The following YPEL1 variants were observed in gnomAD, a reference collection of about 807,000 sequenced individuals.
YPEL1 encodes yippee like 1, also known as protein yippee-like 1.
A neutral mutation model predicts 17.3 loss-of-function variants in YPEL1; 7 were observed. The observed-to-expected ratio is 0.40, with a 90% CI of 0.23 to 0.76. The LOEUF is 0.76. YPEL1 is among the 30% of genes least tolerant of loss of function. The pLI is 0.35. For synonymous variants in YPEL1, 59 were observed against 59.6 expected (o/e 0.99, Z 0.05); for missense variants, 91 against 155.5 (o/e 0.59, Z 2.21).
chr22:21,712,283 T>C (rs1436748019), intron 1 of YPEL1, among the ~76,000 whole-genome samples: 1 of 151,370 alleles, frequency 6.6e-6, no homozygotes, highest in Non-Finnish European at 1.5e-5. Context: ...GGTGTTAATA[T>C]CTAGAATACA....
At chr22:21,725,220 A>ATTT (rs991732672) in intron 1 of YPEL1, among the ~76,000 whole-genome samples, 5 of 126,312 alleles carry the variant, frequency 4.0e-5, no homozygotes, top group Non-Finnish European at 5.1e-5. Flanking sequence ...TAAAATGGTA[A>ATTT]TTTTTTTTTT....
intron 1 of YPEL1, among the ~76,000 whole-genome samples, chr22:21,724,662 C>T (rs954544007): frequency 5.9e-5 from 9 of 151,262 alleles, no homozygotes; most frequent in African/African-American, 1.9e-4. Context: ...CTCACTGCAA[C>T]CTCTGCCTTC....
chr22:21,734,997 A>G (rs2068422713), intron 1 of YPEL1, among the ~76,000 whole-genome samples: 1 of 152,276 alleles, frequency 6.6e-6, no homozygotes, highest in Non-Finnish European at 1.5e-5. Context: ...CTAAAATAGA[A>G]TCTCAGCCTT....
At position 21,697,910 on chromosome 22, in the gene YPEL1, C is replaced by CTT. The variant is rs1555902102; in HGVS notation, c.*3217_*3218dup. 1 of 152,252 alleles carries CTT rather than the reference C, an allele frequency of 6.6e-6. No individual in the cohort carries two copies. Among genetic ancestry groups the CTT allele is most frequent in the African/African-American group, 2.4e-5 (1 of 41,400 alleles). 9.4% of individuals were successfully genotyped at this position (152,252 alleles called of 1,614,324 possible). Reference sequence around the variant, plus strand: ...TAAATTAAAGGATTTTGGGAAGATTCTTATTTTCAATTCTAATATCTGACA... The same window carrying CTT: ...TAAATTAAAGGATTTTGGGAAGATTCTTTTATTTTCAATTCTAATATCTGACA... On this transcript the variant is annotated 3_prime_UTR_variant, in exon 5 of 5. Transcript: ENST00000339468.
intron 1 of YPEL1, among the ~76,000 whole-genome samples, chr22:21,734,972 A>G (rs182352531): frequency 1.1e-3 from 173 of 152,306 alleles, no homozygotes; most frequent in African/African-American, 4.0e-3. Flanking sequence ...GATGTCTTCC[A>G]TGTTCATTAT....
rs1291070331 is a variant in YPEL1, at chr22:21,697,552, CA to C, written c.*3576del. The C allele has an allele frequency of 2.1e-4, 33 of 155,840 alleles. No individual in the cohort carries two copies. The highest frequency in any genetic ancestry group is 8.0e-4 in the African/African-American group (33 of 41,416). 9.7% of individuals were successfully genotyped at this position (155,840 alleles called of 1,614,324 possible). On this transcript the variant is annotated 3_prime_UTR_variant, in exon 5 of 5. Transcript: ENST00000339468. Reference sequence around the variant, plus strand: ...AGGGCACGATTTAAACATTTGACATCAGAAGCTTTATTTGTAAACCTCACAC... The same window carrying C: ...AGGGCACGATTTAAACATTTGACATCGAAGCTTTATTTGTAAACCTCACAC...
chr22:21,726,144 C>T (rs556689315), intron 1 of YPEL1, among the ~76,000 whole-genome samples: 4 of 152,312 alleles, frequency 2.6e-5, no homozygotes, highest in Admixed American at 6.5e-5. Flanking sequence ...CACCCAGACC[C>T]ACATGTCCCC....
intron 1 of YPEL1, among the ~76,000 whole-genome samples, chr22:21,717,661 A>G (rs2068240479): frequency 6.6e-6 from 1 of 152,204 alleles, no homozygotes; most frequent in Non-Finnish European, 1.5e-5. Flanking sequence ...ACCAAAGATA[A>G]AGGGGAAAAA....
chr22:21,722,176 T>C (rs2068289954), intron 1 of YPEL1, among the ~76,000 whole-genome samples: 1 of 152,150 alleles, frequency 6.6e-6, no homozygotes, highest in Non-Finnish European at 1.5e-5. Context: ...CCCAGCACTT[T>C]CGGAGGCCAA....
intron 1 of YPEL1, among the ~76,000 whole-genome samples, chr22:21,731,766 G>A (rs999818765): frequency 7.9e-5 from 12 of 152,186 alleles, no homozygotes; most frequent in Admixed American, 6.5e-4. Flanking sequence ...AATGTGCCAC[G>A]TGTTTGTTGG....
intron 2 of YPEL1, among the ~76,000 whole-genome samples, chr22:21,706,436 C>CA (rs111878891): frequency 3.2e-3 from 278 of 86,736 alleles, no homozygotes; most frequent in African/African-American, 6.9e-3. Context: ...CTCCGTCTCA[C>CA]AAAAAAAAAA....
rs2068023941 is a variant in YPEL1, at chr22:21,698,505, G to C, written c.*2624C>G. 6.6e-6 allele frequency: 1 copy of C among 152,354 alleles called. No homozygotes were observed. The highest frequency in any genetic ancestry group is 2.4e-5 in the African/African-American group (1 of 41,446). 9.4% of individuals were successfully genotyped at this position (152,354 alleles called of 1,614,324 possible). On this transcript the variant is annotated 3_prime_UTR_variant, in exon 5 of 5. Transcript: ENST00000339468. ...AGGACTTGGCTGTCCTCGCACCCGT[G>C]GCAGGCTGGGGACGGCACGAACCTC...
intron 1 of YPEL1, among the ~76,000 whole-genome samples, chr22:21,716,599 T>C (rs959703308): frequency 2.0e-4 from 30 of 152,392 alleles, no homozygotes; most frequent in African/African-American, 6.7e-4. Context: ...TCACAGTTGA[T>C]GGATTTAGTT....
chr22:21,708,331 CTTTTTTTTTTT>C (rs775485136), intron 2 of YPEL1, among the ~76,000 whole-genome samples: 2 of 102,124 alleles, frequency 2.0e-5, no homozygotes, highest in African/African-American at 8.0e-5. Flanking sequence ...AGGCTTCTGC[CTTTTTTTTTTT>C]TTTTTTTTTT....
At chr22:21,720,011 C>CAAAA (rs112623506) in intron 1 of YPEL1, among the ~76,000 whole-genome samples, 2 of 112,934 alleles carry the variant, frequency 1.8e-5, no homozygotes, top group African/African-American at 6.7e-5. Context: ...GACTCCATCT[C>CAAAA]AAAAAAAAAA....
intron 1 of YPEL1, among the ~76,000 whole-genome samples, chr22:21,712,585 G>C (rs1443400244): frequency 6.6e-6 from 1 of 151,712 alleles, no homozygotes; most frequent in Non-Finnish European, 1.5e-5. Context: ...AATTAGCCGG[G>C]CGTGGTGGCG....
In YPEL1 at chr22:21,703,713, G is replaced by GGGT. The variant is rs1555903185; in HGVS notation, c.161+125_161+126insACC. 15 of 1,114,962 alleles carry GGGT rather than the reference G, an allele frequency of 1.3e-5. No homozygotes were observed. The East Asian group carries it at 2.8e-4, about 21-fold the overall frequency. 69.1% of individuals were successfully genotyped at this position (1,114,962 alleles called of 1,614,324 possible). ...TAGCGCGTTTCAGAAACTCCCGGCG[G>GGGT]GGGGATGGTGGGTTCTTTCAGGACC... On this transcript the variant is annotated intron_variant, in intron 3 of 4. Coordinates refer to ENST00000339468, the MANE Select transcript of YPEL1 (RefSeq NM_013313.5). This position sits in a 1 kb window ranked among gnomAD's most constrained non-coding sequence, Gnocchi z 6.1.
chr22:21,723,367 T>G (rs1310110200), intron 1 of YPEL1, among the ~76,000 whole-genome samples: 1 of 149,594 alleles, frequency 6.7e-6, no homozygotes, highest in African/African-American at 2.5e-5. Flanking sequence ...TGGGGGATTT[T>G]AGTTAATATT....
chr22:21,705,461 CA>C (rs1182573011), intron 2 of YPEL1, among the ~76,000 whole-genome samples: 2 of 152,180 alleles, frequency 1.3e-5, no homozygotes, highest in Non-Finnish European at 2.9e-5. Context: ...CTGTATAAAA[CA>C]AAGATGGTTT....
Sources: gnomAD v4.1 joint callset for allele counts (sites outside exome capture counted in the v4.1 genomes callset) on GRCh38, gnomAD v4.1.1 for gene constraint, Gnocchi (gnomAD v3.1) non-coding constraint, MANE v1.5 for transcripts, NCBI Gene and HGNC (gene_info 2026-07-23, HGNC 2026-07-21) for gene names.